The following INPP5D variants were observed in gnomAD, a reference collection of about 807,000 sequenced individuals.
INPP5D encodes the protein inositol polyphosphate-5-phosphatase D.
INPP5D carries 33 observed loss-of-function variants against 122.9 expected under a neutral mutation model. The ratio of observed to expected loss-of-function variants is 0.27; its 90% CI spans 0.20 to 0.36. INPP5D has a LOEUF of 0.36. Among genes scored for constraint, INPP5D ranks in the 10% least tolerant of loss-of-function variants. INPP5D has a pLI of 1.00. For synonymous variants in INPP5D, 584 were observed against 576.2 expected (o/e 1.01, Z -0.19); for missense variants, 1,053 against 1,412.7 (o/e 0.75, Z 4.08).
chr2:233,203,792 CAGCTACTCCT>C (rs1477603768), intron 25 of INPP5D, among the ~76,000 whole-genome samples: 1 of 151,966 alleles, frequency 6.6e-6, no homozygotes, highest in Non-Finnish European at 1.5e-5. Flanking sequence ...CAGCAATGTC[CAGCTACTCCT>C]AGCTACTCCC....
intron 9 of INPP5D, among the ~76,000 whole-genome samples, chr2:233,157,701 T>A (rs911067730): frequency 6.6e-6 from 1 of 151,962 alleles, no homozygotes; most frequent in Non-Finnish European, 1.5e-5. Context: ...GTCAAAAATG[T>A]AATAGGACAT....
At chr2:233,163,139 C>T (rs768229460) in intron 11 of INPP5D, among the ~76,000 whole-genome samples, 27 of 152,340 alleles carry the variant, frequency 1.8e-4, no homozygotes, top group Middle Eastern at 3.4e-3. Context: ...TTTGCTCATC[C>T]TTCAAGGGCA....
At chr2:233,110,863 T>C (rs1185796111) in intron 2 of INPP5D, among the ~76,000 whole-genome samples, 1 of 151,750 alleles carries the variant, frequency 6.6e-6, no homozygotes, top group Admixed American at 6.6e-5. Flanking sequence ...AGGCGGAGGT[T>C]GCAGTGAGCC....
At position 233,079,359 on chromosome 2, in the gene INPP5D, C is replaced by T. The variant is rs1486432544; in HGVS notation, c.159C>T (p.Tyr53=). ...GGTATCGGAATTGCGTTTACACTTACAGAATTCTGCCCAATGAAGATGATA... is the reference window on the plus strand; with the variant it reads ...GGTATCGGAATTGCGTTTACACTTATAGAATTCTGCCCAATGAAGATGATA... ...CVLYRNCVYT[Y]RILPNEDDKF... The change falls in exon 2 of 27, where the codon TAC becomes TAT. Residue 53 remains tyrosine, a synonymous_variant. Coordinates refer to ENST00000445964, the MANE Select transcript of INPP5D (RefSeq NM_001017915.3). The T allele has an allele frequency of 3.1e-6, 5 of 1,607,078 alleles. 1 individual carries two copies. The highest frequency in any genetic ancestry group is 1.3e-5 in the African/African-American group (1 of 74,906).
chr2:233,144,667 GTGGTGA>G (rs1317522917), intron 6 of INPP5D, among the ~76,000 whole-genome samples: 3 of 116,708 alleles, frequency 2.6e-5, no homozygotes, highest in East Asian at 2.3e-4. Flanking sequence ...AGAGATGGTG[GTGGTGA>G]TGGTGATGGT....
At chr2:233,133,456 G>A (rs775735695) in intron 5 of INPP5D, among the ~76,000 whole-genome samples, 2 of 152,176 alleles carry the variant, frequency 1.3e-5, no homozygotes, top group Admixed American at 6.5e-5. Context: ...TGTGGCAAGT[G>A]AGTGTTAGGA....
At chr2:233,169,036 C>CT (rs1694418621) in intron 13 of INPP5D, 1 of 442,212 alleles carries the variant, frequency 2.3e-6, no homozygotes, top group African/African-American at 2.0e-5. Context: ...ACCCTGGTCA[C>CT]TTTAGAGAGA....
chr2:233,144,966 T>C (rs1574762338), intron 6 of INPP5D, among the ~76,000 whole-genome samples: 1 of 152,054 alleles, frequency 6.6e-6, no homozygotes, highest in Non-Finnish European at 1.5e-5. Context: ...GCCTGGCTGC[T>C]ATATTGAGCA....
intron 2 of INPP5D, among the ~76,000 whole-genome samples, chr2:233,096,026 C>T (rs1293731254): frequency 6.6e-6 from 1 of 152,144 alleles, no homozygotes; most frequent in Non-Finnish European, 1.5e-5. Flanking sequence ...AACAGTTGAA[C>T]GATAATGGAT....
In INPP5D at chr2:233,164,013, A is replaced by T; in HGVS notation, c.1437+110A>T. On this transcript the variant is annotated intron_variant, in intron 12 of 26. Coordinates refer to ENST00000445964, the MANE Select transcript of INPP5D (RefSeq NM_001017915.3). This position sits in a 1 kb window ranked among gnomAD's most constrained non-coding sequence, Gnocchi z 4.3. The stretch of plus-strand genomic sequence containing the variant: ...GCCTATCAGCTCTCAGTTTTCAAGG[A>T]TGTCTGGAGGCCCCCACTGAGAGAT... 6.8e-7 allele frequency: 1 copy of T among 1,467,284 alleles called. No homozygotes were observed. Among genetic ancestry groups the T allele is most frequent in the Non-Finnish European group, 9.0e-7 (1 of 1,109,728 alleles). 90.9% of individuals were successfully genotyped at this position (1,467,284 alleles called of 1,614,324 possible).
At chr2:233,094,987 C>T (rs1692098410) in intron 2 of INPP5D, among the ~76,000 whole-genome samples, 1 of 152,162 alleles carries the variant, frequency 6.6e-6, no homozygotes. Flanking sequence ...AGCATTATTT[C>T]AAATAGGGGT....
chr2:233,088,715 A>G (rs777340647), intron 2 of INPP5D, among the ~76,000 whole-genome samples: 4 of 152,218 alleles, frequency 2.6e-5, no homozygotes, highest in Non-Finnish European at 4.4e-5. Context: ...CAGCTCGCTG[A>G]CACCAACATG....
chr2:233,133,897 C>A, intron 5 of INPP5D: 1 of 445,846 alleles, frequency 2.2e-6, no homozygotes, highest in South Asian at 1.6e-5. Context: ...TGTTTTGCTT[C>A]CTGCTGAGTC....
Position 233,177,416 on chromosome 2 carries a change from C to A in INPP5D, c.2071+70C>A. 1.2e-6 allele frequency: 2 copies of A among 1,609,924 alleles called. No individual in the cohort carries two copies. Among genetic ancestry groups the A allele is most frequent in the South Asian group, 2.2e-5 (2 of 90,746 alleles). ...CACCAAGCTGGGAGGTGTGACTGCC[C>A]TAAAATCTAAGGGCTTCAGTCTGTT... On this transcript the variant is annotated intron_variant, in intron 18 of 26. Transcript: ENST00000445964. The surrounding 1 kb of genome is among the most constrained non-coding windows in gnomAD (Gnocchi z 4.2).
rs988306485 is a variant in INPP5D, at chr2:233,060,867, G to A, written c.134+255G>A. Among the ~76,000 whole-genome samples the A allele has an allele frequency of 3.4e-4, 52 of 152,226 alleles. 1 individual carries two copies. The highest frequency in any genetic ancestry group is 1.2e-3 in the African/African-American group (51 of 41,450). ...GCTTCCCATGAGCTGTATGGACCTT[G>A]TGGCTTCCTTGGAGTCTGGGGACCG... On this transcript the variant is annotated intron_variant, in intron 1 of 26. Coordinates refer to ENST00000445964, the MANE Select transcript of INPP5D (RefSeq NM_001017915.3).
At position 233,128,627 on chromosome 2, in the gene INPP5D, G is replaced by A. The variant is rs1442869251; in HGVS notation, c.525-1881G>A. ...TGAGTAGCTGGGACTACAAACGCACGCCACCACGCCCAGCTAATTTTTGTA... is the reference window on the plus strand; with the variant it reads ...TGAGTAGCTGGGACTACAAACGCACACCACCACGCCCAGCTAATTTTTGTA... On this transcript the variant is annotated intron_variant, in intron 4 of 26. Transcript: ENST00000445964. This position sits in a 1 kb window ranked among gnomAD's most constrained non-coding sequence, Gnocchi z 4.5. Among the ~76,000 whole-genome samples the A allele has an allele frequency of 2.0e-5, 3 of 152,026 alleles. No homozygotes were observed. Among genetic ancestry groups the A allele is most frequent in the African/African-American group, 4.8e-5 (2 of 41,402 alleles).
intron 23 of INPP5D, among the ~76,000 whole-genome samples, chr2:233,194,346 A>G (rs980638214): frequency 2.0e-5 from 3 of 152,202 alleles, no homozygotes; most frequent in Non-Finnish European, 2.9e-5. Flanking sequence ...CTACAGCTGC[A>G]GATGAGATTT....
In INPP5D at chr2:233,197,100, G is replaced by A. The variant is rs997617490; in HGVS notation, c.2694-995G>A. Among the ~76,000 whole-genome samples the A allele has an allele frequency of 1.3e-5, 2 of 152,194 alleles. No homozygotes were observed. Among genetic ancestry groups the A allele is most frequent in the South Asian group, 4.1e-4 (2 of 4,834 alleles). On this transcript the variant is annotated intron_variant, in intron 24 of 26. Coordinates refer to ENST00000445964, the MANE Select transcript of INPP5D (RefSeq NM_001017915.3). This position sits in a 1 kb window ranked among gnomAD's most constrained non-coding sequence, Gnocchi z 4.4. The stretch of plus-strand genomic sequence containing the variant: ...GCATTTATTTCTGAAGCAGGCAGTG[G>A]TGGATGGGAACAAGGTACAGCTCGG...
chr2:233,143,547 C>T (rs1035376742), intron 6 of INPP5D, among the ~76,000 whole-genome samples: 1 of 152,236 alleles, frequency 6.6e-6, no homozygotes, highest in Non-Finnish European at 1.5e-5. Context: ...AACCAACAGG[C>T]AGCCATTCTG....
Sources: allele counts gnomAD v4.1 joint callset (sites outside exome capture counted in the v4.1 genomes callset), GRCh38; gene constraint gnomAD v4.1.1; non-coding constraint Gnocchi (gnomAD v3.1); transcripts MANE v1.5; gene names NCBI Gene and HGNC (gene_info 2026-07-23, HGNC 2026-07-21).